VMP1: variants seen among roughly 807,000 people sequenced by gnomAD.
VMP1 encodes the protein ectopic P-granules autophagy protein 3 homolog.
In VMP1, 11 loss-of-function variants were observed where a neutral mutation model predicts 56.0. That is an observed-to-expected ratio of 0.20 (90% CI 0.12 to 0.32). The LOEUF is 0.32. VMP1 is among the 10% of genes least tolerant of loss of function. The pLI, the probability that VMP1 is intolerant of heterozygous loss-of-function variation, is 1.00. For synonymous variants in VMP1, 149 were observed against 165.0 expected (o/e 0.90, Z 0.74); for missense variants, 296 against 490.3 (o/e 0.60, Z 3.74).
chr17:59,784,142 T>TGTGAGAGAGA lies in VMP1; in HGVS notation c.714+10258_714+10259insTGAGAGAGAG, dbSNP rs556387089. 1.5e-3 allele frequency among the ~76,000 whole-genome samples: 202 copies of TGTGAGAGAGA among 130,458 alleles called. 1 individual carries two copies. Among genetic ancestry groups the TGTGAGAGAGA allele is most frequent in the African/African-American group, 5.9e-3 (198 of 33,496 alleles). 85.6% of individuals were successfully genotyped at this position (130,458 alleles called of 152,430 possible). On this transcript the variant is annotated intron_variant, in intron 7 of 11. Coordinates refer to ENST00000262291, the MANE Select transcript of VMP1 (RefSeq NM_030938.5). Reference sequence around the variant, plus strand: ...GTGTGTGTGTGTGTGTGTGTGTGTGTGAGAGAGAGAGAGAGATTGGAGGGA... The same window carrying TGTGAGAGAGA: ...GTGTGTGTGTGTGTGTGTGTGTGTGTGTGAGAGAGAGAGAGAGAGAGAGAGATTGGAGGGA...
chr17:59,742,752 G>A (rs996564595), intron 5 of VMP1, among the ~76,000 whole-genome samples: 3 of 152,018 alleles, frequency 2.0e-5, no homozygotes, highest in African/African-American at 4.8e-5. Flanking sequence ...ATTTGCAGCC[G>A]CTCCCCATCA....
intron 5 of VMP1, among the ~76,000 whole-genome samples, chr17:59,762,219 C>G (rs1486834990): frequency 6.6e-6 from 1 of 152,144 alleles, no homozygotes; most frequent in African/African-American, 2.4e-5. Context: ...GATCCCTAAC[C>G]CATGCTCCCA....
chr17:59,733,929 G>C (rs1046813151), intron 2 of VMP1, among the ~76,000 whole-genome samples: 1 of 152,116 alleles, frequency 6.6e-6, no homozygotes, highest in Non-Finnish European at 1.5e-5. Flanking sequence ...CCAAGATCAC[G>C]TGACTAATAG....
chr17:59,784,134 T>A (rs1418634029), intron 7 of VMP1, among the ~76,000 whole-genome samples: 1 of 140,600 alleles, frequency 7.1e-6, no homozygotes, highest in African/African-American at 2.9e-5. Flanking sequence ...TGTGTGTGTG[T>A]GTGTGTGTGA....
intron 10 of VMP1, among the ~76,000 whole-genome samples, chr17:59,825,077 ATTTTTTTTTT>A (rs747807694): frequency 1.4e-5 from 1 of 70,090 alleles, no homozygotes; most frequent in Non-Finnish European, 2.6e-5. Context: ...GTTAGTTGTG[ATTTTTTTTTT>A]TTTTTTTTTT....
intron 10 of VMP1, among the ~76,000 whole-genome samples, chr17:59,818,113 C>A (rs894564998): frequency 6.6e-6 from 1 of 152,038 alleles, no homozygotes; most frequent in Admixed American, 6.6e-5. Context: ...TTTAATGGTG[C>A]TTTAGTACAA....
intron 7 of VMP1, among the ~76,000 whole-genome samples, chr17:59,788,442 C>T (rs2037086146): frequency 1.3e-5 from 2 of 150,508 alleles, no homozygotes; most frequent in Non-Finnish European, 3.0e-5. Context: ...AGCCGAGATC[C>T]CACCACTGCA....
intron 8 of VMP1, among the ~76,000 whole-genome samples, chr17:59,809,303 A>G (rs1425792385): frequency 1.4e-5 from 1 of 73,732 alleles, no homozygotes; most frequent in Non-Finnish European, 2.9e-5. Flanking sequence ...GGCCCATTCA[A>G]CTTTTTTTTT....
intron 1 of VMP1, among the ~76,000 whole-genome samples, chr17:59,714,338 A>G (rs1415388915): frequency 6.6e-6 from 1 of 151,970 alleles, no homozygotes; most frequent in Non-Finnish European, 1.5e-5. Flanking sequence ...TAATCCATTA[A>G]CCCATTAATT....
intron 6 of VMP1, among the ~76,000 whole-genome samples, chr17:59,768,859 C>G (rs973187168): frequency 6.6e-6 from 1 of 151,516 alleles, no homozygotes; most frequent in African/African-American, 2.4e-5. Context: ...GATGACAGGC[C>G]CCTGTAGTCC....
intron 1 of VMP1, among the ~76,000 whole-genome samples, chr17:59,729,312 G>A (rs1264607832): frequency 2.0e-5 from 3 of 151,826 alleles, no homozygotes; most frequent in Non-Finnish European, 2.9e-5. Flanking sequence ...GTGAAACCCC[G>A]TCTCTACTAA....
chr17:59,712,376 T>G (rs1045377121), intron 1 of VMP1, among the ~76,000 whole-genome samples: 1 of 152,228 alleles, frequency 6.6e-6, no homozygotes, highest in Non-Finnish European at 1.5e-5. Flanking sequence ...TGTTAACTTT[T>G]TGGTATTAAC....
At position 59,839,987 on chromosome 17, in the gene VMP1, G is replaced by A. The variant is rs186654540; in HGVS notation, c.*76G>A. 3.2e-5 allele frequency: 50 copies of A among 1,558,058 alleles called. No individual in the cohort carries two copies. In the Admixed American group the frequency reaches 6.1e-4, roughly 19 times the overall value. On this transcript the variant is annotated 3_prime_UTR_variant, in exon 12 of 12. Coordinates refer to ENST00000262291, the MANE Select transcript of VMP1 (RefSeq NM_030938.5). ...AATTGGGAGGACTCCAAGCCGGGAA[G>A]GAAAATTCCCTTTTCCAACCTGTAT...
intron 3 of VMP1, among the ~76,000 whole-genome samples, chr17:59,737,197 T>C (rs1411377295): frequency 6.6e-6 from 1 of 152,178 alleles, no homozygotes; most frequent in Non-Finnish European, 1.5e-5. Context: ...CTCCATATTA[T>C]AAGTTGAGGT....
rs1357452958 is a variant in VMP1 at position 59,795,265 on chromosome 17, A to G, written c.715-13531A>G. Among the ~76,000 whole-genome samples the G allele has an allele frequency of 2.0e-4, 30 of 149,112 alleles. No individual in the cohort carries two copies. The Admixed American group carries it at 2.1e-3, about 10-fold the overall frequency. On this transcript the variant is annotated intron_variant, in intron 7 of 11. Transcript: ENST00000262291. ...GCTGGGATTACAGGCATGTGCCACC[A>G]TGCTCGGCTGAGTTTTGTATTTTTA...
intron 7 of VMP1, among the ~76,000 whole-genome samples, chr17:59,784,244 A>G (rs1485752415): frequency 6.6e-6 from 1 of 152,048 alleles, no homozygotes; most frequent in Non-Finnish European, 1.5e-5. Flanking sequence ...TAGCCTGATC[A>G]TTTGGAATAA....
At chr17:59,782,482 T>C (rs1376860502) in intron 7 of VMP1, among the ~76,000 whole-genome samples, 1 of 152,236 alleles carries the variant, frequency 6.6e-6, no homozygotes, top group Admixed American at 6.5e-5. Flanking sequence ...TTTGCTAAGC[T>C]ATAACTTTAC....
chr17:59,832,061 T>A (rs973605630), intron 10 of VMP1, among the ~76,000 whole-genome samples: 1 of 152,056 alleles, frequency 6.6e-6, no homozygotes, highest in Non-Finnish European at 1.5e-5. Context: ...AAATTTTTTT[T>A]AATCTTACAT....
At chr17:59,789,835 CTTTTTTTTTTTT>C (rs754631557) in intron 7 of VMP1, among the ~76,000 whole-genome samples, 6 of 85,964 alleles carry the variant, frequency 7.0e-5, no homozygotes, top group Non-Finnish European at 1.2e-4. Flanking sequence ...CTTTCTTTCC[CTTTTTTTTTTTT>C]TTTTTTTTTT....
Sources: allele counts gnomAD v4.1 joint callset (sites outside exome capture counted in the v4.1 genomes callset), GRCh38; gene constraint gnomAD v4.1.1; transcripts MANE v1.5; gene names NCBI Gene and HGNC (gene_info 2026-07-23, HGNC 2026-07-21).